The following CAMTA1 variants were observed in gnomAD, a reference collection of about 807,000 sequenced individuals.
CAMTA1 encodes calmodulin binding transcription activator 1, also known as calmodulin-binding transcription activator 1.
A neutral mutation model predicts 170.9 loss-of-function variants in CAMTA1; 27 were observed. The ratio of observed to expected loss-of-function variants is 0.16; its 90% CI spans 0.12 to 0.22. CAMTA1 has a LOEUF of 0.22. Ranked by LOEUF, CAMTA1 falls within the 10% of genes least tolerant of loss-of-function variation. The pLI is 1.00. For synonymous variants in CAMTA1, 833 were observed against 891.5 expected (o/e 0.93, Z 1.17); for missense variants, 1,619 against 2,217.2 (o/e 0.73, Z 5.42).
intron 6 of CAMTA1, among the ~76,000 whole-genome samples, chr1:7,613,749 G>A (rs888681642): frequency 2.6e-5 from 4 of 151,168 alleles, no homozygotes; most frequent in Non-Finnish European, 5.9e-5. Context: ...CGGACCCGGA[G>A]GAGTAGGGGG....
rs1696758122 is a variant in CAMTA1, at chr1:6,993,751, G to A, written c.235-97553G>A. ...TTCTTTGTCTTTCTATTTAAAATGT[G>A]TTTCTTGTAGACAGCCTATAGTTTG... On this transcript the variant is annotated intron_variant, in intron 3 of 22. Coordinates refer to ENST00000303635, the MANE Select transcript of CAMTA1 (RefSeq NM_015215.4). Among the ~76,000 whole-genome samples the A allele has an allele frequency of 2.6e-5, 4 of 152,024 alleles. No homozygotes were observed. The South Asian group carries it at 8.3e-4, about 32-fold the overall frequency.
chr1:7,504,157 G>A (rs111466791), intron 6 of CAMTA1, among the ~76,000 whole-genome samples: 7,138 of 152,236 alleles, frequency 0.047, 398 homozygotes, highest in East Asian at 0.15. Flanking sequence ...CGGGGAACGG[G>A]TGGGGACTGA....
intron 2 of CAMTA1, 61 bp downstream of exon 2, chr1:6,820,311 A>G (rs1245196372): frequency 1.3e-6 from 2 of 1,570,536 alleles, no homozygotes; most frequent in East Asian, 2.2e-5. Context: ...GGCAGTAATT[A>G]TCATCTAGTA....
rs1015660637 is a variant in CAMTA1, at chr1:7,767,039, C to G, written c.*548C>G. The G allele has an allele frequency of 1.7e-4, 26 of 152,682 alleles. No homozygotes were observed. Among genetic ancestry groups the G allele is most frequent in the African/African-American group, 6.0e-4 (25 of 41,372 alleles). 9.5% of individuals were successfully genotyped at this position (152,682 alleles called of 1,614,324 possible). A position where few individuals can be genotyped will look rare whatever the true frequency, so the allele number is the denominator to read the frequency against. On this transcript the variant is annotated 3_prime_UTR_variant, in exon 23 of 23. Coordinates refer to ENST00000303635, the MANE Select transcript of CAMTA1 (RefSeq NM_015215.4). ...TATTGGGTCCGTGTGTTCTCATTTCCTTCACTGTTTATTTTTGTTTGTTTG... is the reference window on the plus strand; with the variant it reads ...TATTGGGTCCGTGTGTTCTCATTTCGTTCACTGTTTATTTTTGTTTGTTTG...
At chr1:6,854,119 T>C (rs1230498719) in intron 3 of CAMTA1, among the ~76,000 whole-genome samples, 1 of 152,210 alleles carries the variant, frequency 6.6e-6, no homozygotes, top group Non-Finnish European at 1.5e-5. Flanking sequence ...TTCATAACGA[T>C]GTTTCAGTCA....
At chr1:7,019,043 G>A (rs1023746389) in intron 3 of CAMTA1, among the ~76,000 whole-genome samples, 3 of 152,230 alleles carry the variant, frequency 2.0e-5, no homozygotes, top group East Asian at 1.9e-4. Context: ...CTTGGTGGGC[G>A]GGGTGGATGC....
intron 5 of CAMTA1, among the ~76,000 whole-genome samples, chr1:7,459,065 T>C (rs2093023941): frequency 6.6e-6 from 1 of 152,174 alleles, no homozygotes; most frequent in Non-Finnish European, 1.5e-5. Context: ...TCATTGTCTT[T>C]GATGAAGGCG....
intron 2 of CAMTA1, among the ~76,000 whole-genome samples, chr1:6,824,657 A>G (rs1646904568): frequency 6.6e-6 from 1 of 152,198 alleles, no homozygotes; most frequent in South Asian, 2.1e-4. Flanking sequence ...ATGAAGTAGT[A>G]TTTACGAACA....
intron 11 of CAMTA1, among the ~76,000 whole-genome samples, chr1:7,725,732 G>A (rs2096680520): frequency 6.6e-6 from 1 of 152,230 alleles, no homozygotes; most frequent in Non-Finnish European, 1.5e-5. Context: ...TAGCAATGCA[G>A]CCTCTGGGTC....
intron 19 of CAMTA1, 80 bp downstream of exon 19, chr1:7,747,861 C>G (rs2096867369): frequency 1.2e-6 from 1 of 839,236 alleles, no homozygotes; most frequent in East Asian, 2.6e-5. Flanking sequence ...CTAAAGAGCA[C>G]TACATCTAGT....
At chr1:7,378,833 T>C (rs2087049436) in intron 5 of CAMTA1, among the ~76,000 whole-genome samples, 1 of 152,132 alleles carries the variant, frequency 6.6e-6, no homozygotes, top group South Asian at 2.1e-4. Context: ...GGATGAGGCC[T>C]GTGGGCCCAG....
intron 6 of CAMTA1, among the ~76,000 whole-genome samples, chr1:7,493,214 TACAC>T (rs369890361): frequency 2.3e-5 from 3 of 130,774 alleles, no homozygotes; most frequent in East Asian, 4.7e-4. Flanking sequence ...CAAACCTACA[TACAC>T]ACGCACACAC....
At chr1:6,865,881 C>T (rs1027648821) in intron 3 of CAMTA1, among the ~76,000 whole-genome samples, 1 of 152,202 alleles carries the variant, frequency 6.6e-6, no homozygotes, top group South Asian at 2.1e-4. Flanking sequence ...CCAGAAAGGA[C>T]TCCTTACATT....
chr1:7,489,433 T>C (rs966950476), intron 6 of CAMTA1, among the ~76,000 whole-genome samples: 10 of 152,280 alleles, frequency 6.6e-5, no homozygotes, highest in Admixed American at 1.3e-4. Context: ...ATGTGTGCCA[T>C]TGGCATGCAG....
rs140827184 is a variant in CAMTA1 at position 7,329,379 on chromosome 1, G to A, written c.438+79753G>A. On this transcript the variant is annotated intron_variant, in intron 5 of 22. Transcript: ENST00000303635. ...ATTATTATTTTTCTTAATTTAAGAC[G>A]TTTTTCATTAGTGGAAAGAAATTCC... 3.7e-3 allele frequency among the ~76,000 whole-genome samples: 558 copies of A among 152,208 alleles called. 9 individuals carry two copies. Among genetic ancestry groups the A allele is most frequent in the Admixed American group, 0.023 (359 of 15,294 alleles).
At chr1:7,622,618 A>G (rs576690946) in intron 6 of CAMTA1, among the ~76,000 whole-genome samples, 1 of 152,290 alleles carries the variant, frequency 6.6e-6, no homozygotes, top group Admixed American at 6.5e-5. Flanking sequence ...TGAGTATTTG[A>G]TCTTGGCCAC....
At chr1:7,578,371 C>G (rs2095222625) in intron 6 of CAMTA1, among the ~76,000 whole-genome samples, 1 of 152,152 alleles carries the variant, frequency 6.6e-6, no homozygotes, top group African/African-American at 2.4e-5. Context: ...GCACCAAGGA[C>G]AAAGCCACGT....
chr1:7,011,535 G>C (rs189444180), intron 3 of CAMTA1, among the ~76,000 whole-genome samples: 12 of 151,986 alleles, frequency 7.9e-5, no homozygotes, highest in Admixed American at 7.9e-4. Flanking sequence ...TGAACATGGC[G>C]GGGGGGCCCT....
intron 5 of CAMTA1, among the ~76,000 whole-genome samples, chr1:7,412,204 T>C (rs2090826258): frequency 6.6e-6 from 1 of 152,206 alleles, no homozygotes; most frequent in South Asian, 2.1e-4. Flanking sequence ...TCGTGAATAG[T>C]GCTGCAATAA....
Sources: gnomAD v4.1 joint callset for allele counts (sites outside exome capture counted in the v4.1 genomes callset) on GRCh38, gnomAD v4.1.1 for gene constraint, MANE v1.5 for transcripts, NCBI Gene and HGNC (gene_info 2026-07-23, HGNC 2026-07-21) for gene names.